The following PPA1 variants were observed in gnomAD, a reference collection of about 807,000 sequenced individuals.
PPA1 encodes inorganic pyrophosphatase 1.
PPA1 carries 23 observed loss-of-function variants against 41.8 expected under a neutral mutation model. The ratio of observed to expected loss-of-function variants is 0.55; its 90% CI spans 0.40 to 0.78. The LOEUF is 0.78. PPA1 is among the 30% of genes least tolerant of loss of function. PPA1 has a pLI of 0.00. For missense variants in PPA1, 320 were observed against 361.6 expected (o/e 0.89, Z 0.93); for synonymous variants, 101 against 116.8 (o/e 0.86, Z 0.87).
intron 8 of PPA1, among the ~76,000 whole-genome samples, chr10:70,206,868 AGGG>A (rs1839948183): frequency 2.1e-4 from 1 of 4,742 alleles, no homozygotes; most frequent in African/African-American, 1.0e-3. Flanking sequence ...AGAGGAGAGG[AGGG>A]GAGGGGAGGG....
At chr10:70,203,509 T>C in intron 10 of PPA1, 1 of 237,114 alleles carries the variant, frequency 4.2e-6, no homozygotes, top group Middle Eastern at 1.5e-3. Context: ...GTTCAAGCAA[T>C]TCTCGTGCCT....
chr10:70,223,915 T>C (rs1840202081), intron 2 of PPA1, among the ~76,000 whole-genome samples: 1 of 152,126 alleles, frequency 6.6e-6, no homozygotes. Flanking sequence ...CCTCCAATCC[T>C]ACCATGCTTT....
At chr10:70,228,620 C>T (rs1840257532) in intron 2 of PPA1, among the ~76,000 whole-genome samples, 2 of 152,140 alleles carry the variant, frequency 1.3e-5, no homozygotes, top group African/African-American at 4.8e-5. Flanking sequence ...TCAGATGTAA[C>T]AAATTCGAGT....
At chr10:70,204,966 G>A (rs1471264659) in intron 9 of PPA1, 51 bp from the exon 10 acceptor site, 1 of 1,427,862 alleles carries the variant, frequency 7.0e-7, no homozygotes. Flanking sequence ...TTTTTAAAAA[G>A]CTAAAAAGGT....
chr10:70,231,654 T>C (rs1290108958), intron 1 of PPA1, among the ~76,000 whole-genome samples: 1 of 152,198 alleles, frequency 6.6e-6, no homozygotes, highest in African/African-American at 2.4e-5. Flanking sequence ...TTAAAGAAAT[T>C]GACAAATGTA....
intron 6 of PPA1, among the ~76,000 whole-genome samples, chr10:70,213,123 C>T (rs1840040835): frequency 6.6e-6 from 1 of 152,082 alleles, no homozygotes; most frequent in African/African-American, 2.4e-5. Context: ...TACTAAAAAC[C>T]ACTGAATTGT....
intron 2 of PPA1, among the ~76,000 whole-genome samples, chr10:70,219,431 G>A (rs562114462): frequency 6.6e-6 from 1 of 152,112 alleles, no homozygotes; most frequent in Non-Finnish European, 1.5e-5. Context: ...TTCAGAGACA[G>A]TTTATAAGAC....
At chr10:70,206,235 G>T (rs1839937413) in intron 9 of PPA1, 29 bp downstream of exon 9, 3 of 1,294,632 alleles carry the variant, frequency 2.3e-6, no homozygotes, top group Non-Finnish European at 3.2e-6. Flanking sequence ...AACCAGGCTT[G>T]TTTTTTTTTT....
chr10:70,215,300 G>A (rs1840067248), intron 4 of PPA1, among the ~76,000 whole-genome samples: 1 of 152,064 alleles, frequency 6.6e-6, no homozygotes, highest in East Asian at 1.9e-4. Flanking sequence ...ATGTTGCCCA[G>A]GCTGGTCTCA....
At chr10:70,216,331 C>CA (rs977730422) in intron 4 of PPA1, among the ~76,000 whole-genome samples, 12 of 151,720 alleles carry the variant, frequency 7.9e-5, no homozygotes, top group Admixed American at 2.6e-4. Flanking sequence ...AATAAAAATA[C>CA]AAAAAATTAG....
intron 6 of PPA1, among the ~76,000 whole-genome samples, chr10:70,210,858 C>T (rs1358414587): frequency 2.0e-5 from 3 of 151,856 alleles, no homozygotes; most frequent in Non-Finnish European, 2.9e-5. Flanking sequence ...CTCTGCCTCC[C>T]GGGTTCACGC....
chr10:70,204,866 AT>A lies in PPA1; in HGVS notation c.838+6del. The stretch of plus-strand genomic sequence containing the variant: ...TTAATGAAATTTTACTGGAATAGAA[AT>A]CTTACCGTCTGTTGGTACTGTGCAG... On this transcript the variant is annotated splice_donor_region_variant and intron_variant, in intron 10 of 10. Transcript: ENST00000373232. The A allele has an allele frequency of 6.3e-7, 1 of 1,581,164 alleles. No homozygotes were observed. Among genetic ancestry groups the A allele is most frequent in the South Asian group, 1.2e-5 (1 of 86,120 alleles).
chr10:70,211,648 G>A (rs1267674075), intron 6 of PPA1, among the ~76,000 whole-genome samples: 1 of 152,114 alleles, frequency 6.6e-6, no homozygotes, highest in South Asian at 2.1e-4. Flanking sequence ...TACTACTTGC[G>A]CCATGGGACC....
chr10:70,206,302 T>C lies in PPA1; in HGVS notation c.757A>G (p.Lys253Glu), dbSNP rs1047781929. The C allele has an allele frequency of 2.5e-6, 4 of 1,613,350 alleles. No homozygotes were observed. In the Admixed American group the frequency reaches 6.7e-5, roughly 27 times the overall value. ...MNTTLSESPFKCDPDAARAIV... is the reference protein window; with the variant it reads ...MNTTLSESPFECDPDAARAIV... ...GCTCTGGCAGCATCAGGATCACACT[T>C]GAAGGGGCTCTCAGACAAAGTTGTA... is the stretch of plus-strand genomic sequence containing the variant. The change falls in exon 9 of 11, where the codon AAG (lysine) becomes GAG (glutamate). Residue 253 changes from lysine to glutamate, a missense_variant. Transcript: ENST00000373232.
At chr10:70,220,579 A>AT (rs1840130647) in intron 2 of PPA1, among the ~76,000 whole-genome samples, 1 of 49,766 alleles carries the variant, frequency 2.0e-5, no homozygotes, top group Non-Finnish European at 3.7e-5. Flanking sequence ...TATAATATAT[A>AT]TAATTATATA....
At chr10:70,232,463 G>A (rs1034522038) in intron 1 of PPA1, among the ~76,000 whole-genome samples, 18 of 152,310 alleles carry the variant, frequency 1.2e-4, no homozygotes, top group African/African-American at 4.3e-4. Context: ...GCCCTAAGGA[G>A]CGTGGAGGGC....
chr10:70,206,216 G>C, intron 9 of PPA1, 48 bp downstream of exon 9: 1 of 1,454,852 alleles, frequency 6.9e-7, no homozygotes, highest in South Asian at 1.2e-5. Flanking sequence ...TAGCATCATA[G>C]TTTTTAGCAA....
At chr10:70,210,396 A>C (rs1412547131) in intron 6 of PPA1, 1 of 1,365,626 alleles carries the variant, frequency 7.3e-7, no homozygotes, top group Admixed American at 1.9e-5. Context: ...AGGCTATGTC[A>C]GAGGATCACA....
intron 2 of PPA1, among the ~76,000 whole-genome samples, chr10:70,227,488 A>T (rs968853976): frequency 2.6e-5 from 4 of 151,916 alleles, no homozygotes; most frequent in African/African-American, 9.7e-5. Flanking sequence ...TGTCTCTACA[A>T]AAAAATAGAA....
Sources: allele counts gnomAD v4.1 joint callset (sites outside exome capture counted in the v4.1 genomes callset), GRCh38; gene constraint gnomAD v4.1.1; transcripts MANE v1.5; gene names NCBI Gene and HGNC (gene_info 2026-07-23, HGNC 2026-07-21).